ICA1: variants seen among roughly 807,000 people sequenced by gnomAD.
The protein encoded by ICA1 is islet cell autoantigen 1.
In ICA1, 40 loss-of-function variants were observed where a neutral mutation model predicts 71.0. The observed-to-expected ratio is 0.56, with a 90% CI of 0.44 to 0.73. The LOEUF is 0.73. Ranked by LOEUF, ICA1 falls within the 30% of genes least tolerant of loss-of-function variation. The pLI, the probability that ICA1 is intolerant of heterozygous loss-of-function variation, is 0.00. For missense variants in ICA1, 578 were observed against 576.5 expected (o/e 1.00, Z -0.03); for synonymous variants, 207 against 209.5 (o/e 0.99, Z 0.10).
chr7:8,246,781 C>T (rs189113422), intron 1 of ICA1, among the ~76,000 whole-genome samples: 137 of 152,380 alleles, frequency 9.0e-4, no homozygotes, highest in African/African-American at 3.1e-3. Context: ...GAGTCTCGCT[C>T]TGTCACCCAG....
chr7:8,237,802 A>G (rs1309262049), intron 1 of ICA1, among the ~76,000 whole-genome samples: 2 of 150,038 alleles, frequency 1.3e-5, no homozygotes, highest in African/African-American at 5.0e-5. Context: ...TGCATTGTAT[A>G]TGCAATGTTG....
chr7:8,132,610 T>C lies in ICA1; in HGVS notation c.1061-4468A>G, dbSNP rs945098704. 6.6e-6 allele frequency among the ~76,000 whole-genome samples: 1 copy of C among 152,210 alleles called. No homozygotes were observed. Among genetic ancestry groups the C allele is most frequent in the Non-Finnish European group, 1.5e-5 (1 of 68,038 alleles). ...GTACCACTGCCCAGCCTGGAAATGC[T>C]GCTATCTCCTGGGAGTCCCCATGAG... On this transcript the variant is annotated intron_variant, in intron 12 of 13. Coordinates refer to ENST00000402384, the MANE Select transcript of ICA1 (RefSeq NM_001136020.3). The surrounding 1 kb of genome is among the most constrained non-coding windows in gnomAD (Gnocchi z 4.5).
chr7:8,121,621 G>T (rs1346023575), intron 13 of ICA1, among the ~76,000 whole-genome samples: 3 of 152,198 alleles, frequency 2.0e-5, no homozygotes, highest in East Asian at 3.8e-4. Flanking sequence ...GTAGGGGATG[G>T]GGGTAGAAGG....
chr7:8,126,691 T>C (rs1434004192), intron 13 of ICA1, among the ~76,000 whole-genome samples: 2 of 152,196 alleles, frequency 1.3e-5, no homozygotes, highest in African/African-American at 4.8e-5. Context: ...AACATGCTGT[T>C]TATTAGGGAG....
intron 8 of ICA1, among the ~76,000 whole-genome samples, chr7:8,148,287 G>GCCAC (rs1199473485): frequency 6.6e-6 from 1 of 152,122 alleles, no homozygotes; most frequent in African/African-American, 2.4e-5. Context: ...CTGGTGGCAG[G>GCCAC]CGGTGTCTTA....
chr7:8,217,311 C>A (rs1257021796), intron 6 of ICA1, among the ~76,000 whole-genome samples: 1 of 152,196 alleles, frequency 6.6e-6, no homozygotes, highest in East Asian at 1.9e-4. Flanking sequence ...TTAAAGAAAT[C>A]AATCTATATC....
At chr7:8,117,460 C>G (rs1434034834) in intron 13 of ICA1, among the ~76,000 whole-genome samples, 1 of 152,186 alleles carries the variant, frequency 6.6e-6, no homozygotes, top group Non-Finnish European at 1.5e-5. Flanking sequence ...TAAAGCAGAA[C>G]TTTACCATAA....
At chr7:8,169,379 A>C (rs1486906855) in intron 6 of ICA1, among the ~76,000 whole-genome samples, 1 of 152,110 alleles carries the variant, frequency 6.6e-6, no homozygotes, top group East Asian at 1.9e-4. Flanking sequence ...GTAAATGTCT[A>C]AGGGCAGGAT....
At chr7:8,158,395 G>T in intron 7 of ICA1, 132 bp downstream of exon 7, 2 of 1,082,028 alleles carry the variant, frequency 1.8e-6, no homozygotes, top group Non-Finnish European at 1.4e-6. Flanking sequence ...GCAGAGATGT[G>T]GGAAGTGAAA....
intron 6 of ICA1, among the ~76,000 whole-genome samples, chr7:8,213,794 A>G (rs1246846518): frequency 1.3e-5 from 2 of 152,150 alleles, no homozygotes; most frequent in East Asian, 3.8e-4. Context: ...GATGGCCCTA[A>G]TAAGGTCCCA....
chr7:8,209,561 A>G (rs962834494), intron 6 of ICA1, among the ~76,000 whole-genome samples: 4 of 152,160 alleles, frequency 2.6e-5, no homozygotes, highest in African/African-American at 9.7e-5. Context: ...GATGTGTAAG[A>G]CCCGGATTTT....
At chr7:8,158,119 A>G (rs1705151454) in intron 7 of ICA1, among the ~76,000 whole-genome samples, 1 of 152,210 alleles carries the variant, frequency 6.6e-6, no homozygotes, top group Admixed American at 6.5e-5. Flanking sequence ...AACAAAAACA[A>G]TGCATTGAAT....
intron 6 of ICA1, among the ~76,000 whole-genome samples, chr7:8,197,329 C>T (rs757681591): frequency 1.7e-4 from 25 of 151,292 alleles, no homozygotes; most frequent in South Asian, 4.2e-4. Flanking sequence ...CCGAAGCGGG[C>T]GGATCACAAG....
At chr7:8,217,576 A>G (rs1296147761) in intron 6 of ICA1, among the ~76,000 whole-genome samples, 1 of 152,232 alleles carries the variant, frequency 6.6e-6, no homozygotes, top group East Asian at 1.9e-4. Context: ...TCTGAAATAT[A>G]TCCAGGCGAC....
chr7:8,151,028 G>T (rs1349760184), intron 8 of ICA1, among the ~76,000 whole-genome samples: 1 of 152,176 alleles, frequency 6.6e-6, no homozygotes, highest in African/African-American at 2.4e-5. Context: ...ATGTTCCAAG[G>T]TTATTTTGAG....
chr7:8,233,952 G>A (rs1204769533), intron 2 of ICA1, among the ~76,000 whole-genome samples: 5 of 152,208 alleles, frequency 3.3e-5, no homozygotes, highest in African/African-American at 1.2e-4. Flanking sequence ...GCCGGGCATG[G>A]TGGCTCATGC....
chr7:8,175,967 G>C (rs1165716490), intron 6 of ICA1, among the ~76,000 whole-genome samples: 1 of 152,176 alleles, frequency 6.6e-6, no homozygotes, highest in Admixed American at 6.5e-5. Flanking sequence ...GACGGCAAAG[G>C]GGAGAAAAAG....
rs572699971 is a variant in ICA1, at chr7:8,144,999, T to C, written c.805-1027A>G. On this transcript the variant is annotated intron_variant, in intron 8 of 13. Transcript: ENST00000402384. The surrounding 1 kb of genome is among the most constrained non-coding windows in gnomAD (Gnocchi z 4.5). ...GGGCCAGTGAAGATGGTTCTCAGGC[T>C]GTGTCTCGGCAGAGCAGACCTGTGA... 6.6e-6 allele frequency among the ~76,000 whole-genome samples: 1 copy of C among 152,260 alleles called. No homozygotes were observed. The highest frequency in any genetic ancestry group is 2.1e-4 in the South Asian group (1 of 4,816).
chr7:8,207,931 G>T (rs1792195227), intron 6 of ICA1, among the ~76,000 whole-genome samples: 1 of 152,206 alleles, frequency 6.6e-6, no homozygotes, highest in African/African-American at 2.4e-5. Flanking sequence ...TTCACTGAGA[G>T]ACAGGGAACC....
Sources: gnomAD v4.1 joint callset for allele counts (sites outside exome capture counted in the v4.1 genomes callset) on GRCh38, gnomAD v4.1.1 for gene constraint, Gnocchi (gnomAD v3.1) non-coding constraint, MANE v1.5 for transcripts, NCBI Gene and HGNC (gene_info 2026-07-23, HGNC 2026-07-21) for gene names.